BCO1: variants seen among roughly 807,000 people sequenced by gnomAD.
BCO1 encodes beta,beta-carotene 15,15'-dioxygenase.
In BCO1, 54 loss-of-function variants were observed where a neutral mutation model predicts 56.3. The observed-to-expected ratio is 0.96, with a 90% CI of 0.77 to 1.20. The LOEUF is 1.20. Among genes scored for constraint, BCO1 ranks in the 50% most tolerant of loss-of-function variants. BCO1 has a pLI of 0.00. For synonymous variants in BCO1, 318 were observed against 266.1 expected (o/e 1.20, Z -1.90); for missense variants, 801 against 690.9 (o/e 1.16, Z -1.79).
intron 7 of BCO1, 111 bp downstream of exon 7, chr16:81,270,527 A>G (rs1301148504): frequency 5.3e-5 from 36 of 675,034 alleles, no homozygotes; most frequent in Non-Finnish European, 6.7e-5. Flanking sequence ...ACTGTTCTTG[A>G]AAAAAAAAAA....
intron 4 of BCO1, 174 bp downstream of exon 4, chr16:81,262,457 G>T: frequency 1.4e-6 from 1 of 699,398 alleles, no homozygotes. Flanking sequence ...GGCAGGGACT[G>T]TGTTGTTTTT....
At chr16:81,273,250 T>C (rs1388681500) in intron 7 of BCO1, among the ~76,000 whole-genome samples, 1 of 152,164 alleles carries the variant, frequency 6.6e-6, no homozygotes, top group African/African-American at 2.4e-5. Flanking sequence ...TCCAAAGTGC[T>C]GAGATTACAG....
chr16:81,250,697 C>T (rs28661342), intron 2 of BCO1, among the ~76,000 whole-genome samples: 2,939 of 150,612 alleles, frequency 0.02, 87 homozygotes, highest in African/African-American at 0.067. Context: ...TCTCGTGCCT[C>T]GGCCTCTGGA....
chr16:81,259,830 C>A, intron 3 of BCO1, 25 bp downstream of exon 3: 2 of 1,613,926 alleles, frequency 1.2e-6, no homozygotes, highest in South Asian at 1.1e-5. Flanking sequence ...TAAATCTGAG[C>A]AAATTTCATG....
chr16:81,274,357 G>A (rs143534088), intron 7 of BCO1, among the ~76,000 whole-genome samples: 3,359 of 149,418 alleles, frequency 0.022, 116 homozygotes, highest in African/African-American at 0.078. Flanking sequence ...TCCGCCTCCC[G>A]GGTTCACGCC....
chr16:81,265,503 C>T (rs1174407750), intron 5 of BCO1, among the ~76,000 whole-genome samples: 2 of 136,748 alleles, frequency 1.5e-5, no homozygotes, highest in Non-Finnish European at 3.1e-5. Context: ...ATCATGAATC[C>T]ATTTATCCAT....
At chr16:81,274,176 C>A (rs1304102693) in intron 7 of BCO1, among the ~76,000 whole-genome samples, 2 of 152,068 alleles carry the variant, frequency 1.3e-5, no homozygotes, top group Non-Finnish European at 2.9e-5. Context: ...ACTGCCACAC[C>A]TTACAAGATT....
At chr16:81,264,577 G>T (rs1906691062) in intron 4 of BCO1, 63 bp from the exon 5 acceptor site, 3 of 1,580,762 alleles carry the variant, frequency 1.9e-6, no homozygotes, top group Non-Finnish European at 2.6e-6. Flanking sequence ...ACCAGATGAT[G>T]TCATATCTTG....
intron 7 of BCO1, among the ~76,000 whole-genome samples, chr16:81,276,551 G>T (rs1005733208): frequency 6.6e-6 from 1 of 152,256 alleles, no homozygotes; most frequent in African/African-American, 2.4e-5. Context: ...GATGAGGCAG[G>T]AAGGAGCCAA....
At chr16:81,241,161 A>G (rs1905088110) in intron 1 of BCO1, among the ~76,000 whole-genome samples, 2 of 152,062 alleles carry the variant, frequency 1.3e-5, no homozygotes, top group African/African-American at 4.8e-5. Context: ...TAAAAATACA[A>G]AAATTAGCCA....
At chr16:81,287,581 C>T (rs551524522) in intron 10 of BCO1, among the ~76,000 whole-genome samples, 175 bp downstream of exon 10, 1 of 152,258 alleles carries the variant, frequency 6.6e-6, no homozygotes, top group African/African-American at 2.4e-5. Context: ...CCAAGACCAC[C>T]TTTACTTCTG....
At chr16:81,256,014 C>G (rs1906113706) in intron 2 of BCO1, among the ~76,000 whole-genome samples, 1 of 151,894 alleles carries the variant, frequency 6.6e-6, no homozygotes, top group Admixed American at 6.6e-5. Flanking sequence ...TGGAGTTTCC[C>G]CATGTTGGCC....
At chr16:81,257,471 G>A (rs1377168969) in intron 2 of BCO1, among the ~76,000 whole-genome samples, 1 of 151,666 alleles carries the variant, frequency 6.6e-6, no homozygotes, top group Non-Finnish European at 1.5e-5. Flanking sequence ...CACCATGTTG[G>A]CCAGGCTGGT....
chr16:81,272,206 C>T (rs1022402732), intron 7 of BCO1, among the ~76,000 whole-genome samples: 3 of 150,722 alleles, frequency 2.0e-5, no homozygotes, highest in South Asian at 2.1e-4. Flanking sequence ...CTCCGCCTCC[C>T]AGGTTCAAGC....
At chr16:81,278,098 G>A (rs1490291801) in intron 7 of BCO1, among the ~76,000 whole-genome samples, 1 of 152,120 alleles carries the variant, frequency 6.6e-6, no homozygotes, top group Non-Finnish European at 1.5e-5. Flanking sequence ...CTGGAGTGCA[G>A]TGACGCGATC....
intron 7 of BCO1, among the ~76,000 whole-genome samples, chr16:81,273,986 T>A (rs1412106681): frequency 6.6e-6 from 1 of 152,200 alleles, no homozygotes; most frequent in Admixed American, 6.5e-5. Flanking sequence ...CCACGTCCCA[T>A]GAAATCAGCA....
intron 6 of BCO1, among the ~76,000 whole-genome samples, chr16:81,268,787 G>C (rs983520355): frequency 2.6e-5 from 4 of 151,982 alleles, no homozygotes; most frequent in African/African-American, 9.7e-5. Flanking sequence ...ATTGTGGGGG[G>C]GTTGTTTTTG....
intron 1 of BCO1, 147 bp downstream of exon 1, chr16:81,239,119 C>G: frequency 7.4e-6 from 5 of 674,454 alleles, no homozygotes; most frequent in Non-Finnish European, 1.3e-5. Flanking sequence ...TGGGTTCAAA[C>G]GATCCTCCCA....
At chr16:81,248,205 C>T (rs1905541552) in intron 2 of BCO1, among the ~76,000 whole-genome samples, 1 of 151,864 alleles carries the variant, frequency 6.6e-6, no homozygotes, top group African/African-American at 2.4e-5. Flanking sequence ...AGTTCGAGAC[C>T]AGCCTGGCCA....
Sources: gnomAD v4.1 joint callset for allele counts (sites outside exome capture counted in the v4.1 genomes callset) on GRCh38, gnomAD v4.1.1 for gene constraint, MANE v1.5 for transcripts, NCBI Gene and HGNC (gene_info 2026-07-23, HGNC 2026-07-21) for gene names.